The following MDGA2 variants were observed in gnomAD, a reference collection of about 807,000 sequenced individuals.
MDGA2 encodes the protein MAM domain-containing glycosylphosphatidylinositol anchor protein 2.
A neutral mutation model predicts 117.8 loss-of-function variants in MDGA2; 40 were observed. The ratio of observed to expected loss-of-function variants is 0.34; its 90% confidence interval spans 0.26 to 0.44. The LOEUF (loss-of-function observed/expected upper bound fraction) is 0.44. MDGA2 is among the 20% of genes least tolerant of loss of function. MDGA2 has a pLI of 1.00. For missense variants in MDGA2, 1,123 were observed against 1,250.6 expected (o/e 0.90, Z 1.54); for synonymous variants, 452 against 439.0 (o/e 1.03, Z -0.37).
At chr14:46,975,416 A>G (rs1029027442) in intron 8 of MDGA2, among the ~76,000 whole-genome samples, 9 of 152,126 alleles carry the variant, frequency 5.9e-5, no homozygotes, top group Admixed American at 1.3e-4. Context: ...CATTATTCAC[A>G]ACACCTAAAA....
intron 1 of MDGA2, among the ~76,000 whole-genome samples, chr14:47,511,972 T>A (rs12589839): frequency 0.32 from 47,879 of 151,990 alleles, 8,445 homozygotes; most frequent in East Asian, 0.59. Context: ...CAGGCCTACA[T>A]ATTCCAAATT....
intron 2 of MDGA2, among the ~76,000 whole-genome samples, chr14:47,239,688 G>GA (rs1886976728): frequency 1.3e-5 from 2 of 151,164 alleles, no homozygotes; most frequent in East Asian, 1.9e-4. Flanking sequence ...TTCCTTTGGG[G>GA]AAAAAAAAGT....
chr14:47,673,960 AT>A (rs1898124471), intron 1 of MDGA2, among the ~76,000 whole-genome samples: 1 of 151,692 alleles, frequency 6.6e-6, no homozygotes, highest in Non-Finnish European at 1.5e-5. Flanking sequence ...CTTGCCTGCT[AT>A]TTTCCCCTCC....
chr14:46,984,660 T>C (rs116600307), intron 8 of MDGA2, among the ~76,000 whole-genome samples: 2,236 of 152,138 alleles, frequency 0.015, 44 homozygotes, highest in African/African-American at 0.046. Context: ...CAGTTTGTCC[T>C]TAACTATTTA....
At chr14:46,971,582 T>C (rs1019472783) in intron 8 of MDGA2, among the ~76,000 whole-genome samples, 5 of 152,064 alleles carry the variant, frequency 3.3e-5, no homozygotes, top group African/African-American at 1.2e-4. Flanking sequence ...GGGATAAAGA[T>C]ATGTTGATTA....
At chr14:47,341,115 T>C (rs568433298) in intron 1 of MDGA2, among the ~76,000 whole-genome samples, 1 of 152,204 alleles carries the variant, frequency 6.6e-6, no homozygotes, top group Non-Finnish European at 1.5e-5. Context: ...TCATCTGCTA[T>C]CTTATAATGT....
chr14:46,916,132 T>C (rs1883887699), intron 10 of MDGA2, among the ~76,000 whole-genome samples: 1 of 152,104 alleles, frequency 6.6e-6, no homozygotes, highest in Non-Finnish European at 1.5e-5. Flanking sequence ...GTGATTCCAG[T>C]GGGCAGCCAG....
chr14:47,343,188 C>A, intron 1 of MDGA2: 1 of 1,134,516 alleles, frequency 8.8e-7, no homozygotes, highest in South Asian at 1.8e-5. Flanking sequence ...GGTACAGGCT[C>A]AAGCTATTAA....
Position 47,106,477 on chromosome 14 carries a change from T to C in MDGA2, c.926-9354A>G, listed in dbSNP as rs187699768. 5.8e-3 allele frequency among the ~76,000 whole-genome samples: 889 copies of C among 152,086 alleles called. 7 individuals are homozygous for C. The highest frequency in any genetic ancestry group is 0.02 in the African/African-American group (848 of 41,496). On this transcript the variant is annotated intron_variant, in intron 5 of 16. Coordinates refer to ENST00000399232, the MANE Select transcript of MDGA2 (RefSeq NM_001113498.3). ...CTACATGTGCCGGAAATCTGGCCAC[T>C]GGGCCAAGGAATGCCCGCAGCCTGG... is the stretch of plus-strand genomic sequence containing the variant.
At chr14:47,286,375 A>T (rs34611126) in intron 2 of MDGA2, among the ~76,000 whole-genome samples, 1 of 151,544 alleles carries the variant, frequency 6.6e-6, no homozygotes. Flanking sequence ...TCTTTATCCC[A>T]CCTTCCCTAT....
intron 1 of MDGA2, among the ~76,000 whole-genome samples, chr14:47,311,185 A>G (rs1363864873): frequency 6.6e-6 from 1 of 152,120 alleles, no homozygotes; most frequent in Non-Finnish European, 1.5e-5. Context: ...TTTCTTGGAA[A>G]CATCCACAAA....
At chr14:47,457,352 A>G (rs7146842) in intron 1 of MDGA2, among the ~76,000 whole-genome samples, 102,510 of 152,058 alleles carry the variant, frequency 0.67, 35,114 homozygotes, top group East Asian at 0.98. Flanking sequence ...TAAAAGGCAC[A>G]CTTTCTGCAA....
chr14:47,649,763 G>A (rs1205425154), intron 1 of MDGA2, among the ~76,000 whole-genome samples: 2 of 151,946 alleles, frequency 1.3e-5, no homozygotes, highest in African/African-American at 2.4e-5. Flanking sequence ...AGTACTCAGA[G>A]AGAAAATATG....
intron 1 of MDGA2, among the ~76,000 whole-genome samples, chr14:47,374,019 T>C (rs1266280565): frequency 7.9e-5 from 12 of 152,154 alleles, no homozygotes; most frequent in Admixed American, 7.9e-4. Context: ...ATGTCAACAC[T>C]TTCTCTTAAT....
intron 1 of MDGA2, among the ~76,000 whole-genome samples, chr14:47,625,550 T>G (rs547005324): frequency 2.6e-5 from 4 of 152,332 alleles, no homozygotes; most frequent in Admixed American, 2.6e-4. Context: ...CCCATGACTT[T>G]GGATTATCAA....
rs1344109435 is a variant in MDGA2 at position 47,270,858 on chromosome 14, A to C, written c.420+30553T>G. On this transcript the variant is annotated intron_variant, in intron 2 of 16. Transcript: ENST00000399232. ...GAAAGACGTAGAAATATATGTCTTC[A>C]TTTGACTTTCAAAACAAAAGAGGCT... is the stretch of plus-strand genomic sequence containing the variant. Among the ~76,000 whole-genome samples the C allele has an allele frequency of 3.9e-5, 6 of 152,102 alleles. No individual in the cohort carries two copies. The East Asian group carries it at 9.6e-4, about 24-fold the overall frequency.
rs1224005314 is a variant in MDGA2 at position 47,042,327 on chromosome 14, TTGTG to T, written c.1526-7027_1526-7024del. On this transcript the variant is annotated intron_variant, in intron 7 of 16. Coordinates refer to ENST00000399232, the MANE Select transcript of MDGA2 (RefSeq NM_001113498.3). ...CCAAATCTATGTTTTTTTTTTTTTT[TTGTG>T]TGTGTGTGTGTGTGTATGCACACGC... Among the ~76,000 whole-genome samples, 162 of 144,562 alleles carry T rather than the reference TTGTG, an allele frequency of 1.1e-3. 9 individuals carry two copies. The highest frequency in any genetic ancestry group is 4.3e-3 in the East Asian group (21 of 4,922). 94.8% of individuals were successfully genotyped at this position (144,562 alleles called of 152,430 possible).
chr14:46,850,737 C>A (rs1881025317), intron 15 of MDGA2, among the ~76,000 whole-genome samples: 1 of 151,810 alleles, frequency 6.6e-6, no homozygotes, highest in Admixed American at 6.6e-5. Flanking sequence ...CAAATATGAA[C>A]AGTGAGTTTA....
chr14:47,152,116 T>A (rs1883185848), intron 3 of MDGA2, among the ~76,000 whole-genome samples: 1 of 152,188 alleles, frequency 6.6e-6, no homozygotes. Context: ...TAATGTAATA[T>A]ATGCTGTTTT....
Sources: allele counts gnomAD v4.1 joint callset (sites outside exome capture counted in the v4.1 genomes callset), GRCh38; gene constraint gnomAD v4.1.1; transcripts MANE v1.5; gene names NCBI Gene and HGNC (gene_info 2026-07-23, HGNC 2026-07-21).